Variants in PHC3 observed in about 807,000 individuals in gnomAD.
PHC3 encodes the protein polyhomeotic homolog 3, also known as polyhomeotic-like protein 3.
Under a neutral mutation model 107.4 loss-of-function variants are expected in PHC3, and 13 were observed. That is an observed-to-expected ratio of 0.12 (90% CI 0.08 to 0.19). The LOEUF is 0.19. PHC3 is among the 10% of genes least tolerant of loss of function. PHC3 has a pLI of 1.00. For synonymous variants in PHC3, 456 were observed against 427.4 expected (o/e 1.07, Z -0.83); for missense variants, 992 against 1,210.9 (o/e 0.82, Z 2.68).
rs1714052669 is a variant in PHC3 at position 170,091,169 on chromosome 3, G to A, written c.*6061C>T. 1.3e-5 allele frequency: 2 copies of A among 152,090 alleles called. No homozygotes were observed. The allele number at this position is 152,090 out of a possible 1,614,324, so 9.4% of individuals were successfully genotyped here. On this transcript the variant is annotated 3_prime_UTR_variant, in exon 15 of 15. Coordinates refer to ENST00000495893, the MANE Select transcript of PHC3 (RefSeq NM_024947.4). ...TATAACTTTTAAGCCAATAAGTGAT[G>A]GTGACTATCAATCCTTAAGATGATT...
chr3:170,118,347 G>A (rs538883106), intron 9 of PHC3, among the ~76,000 whole-genome samples: 1 of 152,286 alleles, frequency 6.6e-6, no homozygotes, highest in East Asian at 1.9e-4. Flanking sequence ...CCAGGCTCAG[G>A]TGATTCTCCC....
At chr3:170,163,108 T>A (rs1316191077) in intron 4 of PHC3, among the ~76,000 whole-genome samples, 1 of 152,226 alleles carries the variant, frequency 6.6e-6, no homozygotes, top group African/African-American at 2.4e-5. Context: ...GTTGTGGTAC[T>A]GTATCCTCAG....
At chr3:170,145,389 T>G in intron 6 of PHC3, 34 bp downstream of exon 6, 1 of 1,556,500 alleles carries the variant, frequency 6.4e-7, no homozygotes, top group Non-Finnish European at 8.8e-7. Flanking sequence ...GATCCAGATC[T>G]CAAGTAACAC....
intron 9 of PHC3, among the ~76,000 whole-genome samples, chr3:170,121,820 G>A (rs914466466): frequency 6.6e-6 from 1 of 150,700 alleles, no homozygotes; most frequent in African/African-American, 2.4e-5. Flanking sequence ...TTTTAAACTA[G>A]AAATAGTCTG....
intron 6 of PHC3, 143 bp from the exon 7 acceptor site, chr3:170,136,808 A>C (rs533767918): frequency 2.4e-6 from 2 of 843,908 alleles, no homozygotes; most frequent in Non-Finnish European, 3.5e-6. Flanking sequence ...AGAACTGATT[A>C]ATCCTTAAGG....
At position 170,097,313 on chromosome 3, in the gene PHC3, C is replaced by G; in HGVS notation, c.2905G>C (p.Asp969His). ...DGQALLLLKE[D>H]HLMSAMNIKL... ...ATATTCATTGCACTCATGAGATGGT[C>G]TTCTTTCAGCAAGAGAAGGGCCTGT... Residue 969 changes from aspartate to histidine, a missense_variant, in exon 15 of 15, where the codon GAC (aspartate) becomes CAC (histidine). Transcript: ENST00000495893. The surrounding 1 kb of genome is among the most constrained non-coding windows in gnomAD (Gnocchi z 4.1). The G allele has an allele frequency of 6.2e-7, 1 of 1,613,564 alleles. No homozygotes were observed. Among genetic ancestry groups the G allele is most frequent in the Non-Finnish European group, 8.5e-7 (1 of 1,179,616 alleles).
intron 5 of PHC3, 67 bp downstream of exon 5, chr3:170,149,019 A>C: frequency 6.8e-7 from 1 of 1,464,678 alleles, no homozygotes. Context: ...TTATTGTATC[A>C]AATCAAGAAA....
intron 5 of PHC3, chr3:170,147,432 G>C (rs975113785): frequency 6.6e-6 from 1 of 151,954 alleles, no homozygotes; most frequent in Non-Finnish European, 1.5e-5. Context: ...CAACAACAAA[G>C]TACAATGATG....
chr3:170,146,412 A>C (rs951471107), intron 5 of PHC3, among the ~76,000 whole-genome samples: 1 of 151,774 alleles, frequency 6.6e-6, no homozygotes, highest in African/African-American at 2.4e-5. Flanking sequence ...ATTCATTCTA[A>C]AAGTAAATGC....
At position 170,107,457 on chromosome 3, in the gene PHC3, C is replaced by T. The variant is rs188909453; in HGVS notation, c.2354-511G>A. 2.6e-4 allele frequency among the ~76,000 whole-genome samples: 40 copies of T among 152,138 alleles called. No individual in the cohort carries two copies. In the South Asian group the frequency reaches 5.0e-3, roughly 19 times the overall value. On this transcript the variant is annotated intron_variant, in intron 11 of 14. Transcript: ENST00000495893. The stretch of plus-strand genomic sequence containing the variant: ...GAGCATGCAAAATAATTAACTCTCT[C>T]GAAGATCTGCAGTATATGATAAAAT...
chr3:170,151,925 T>C (rs1458946156), intron 4 of PHC3, among the ~76,000 whole-genome samples: 2 of 152,204 alleles, frequency 1.3e-5, no homozygotes, highest in African/African-American at 4.8e-5. Context: ...GAAGTTTATA[T>C]AGGAGGACCT....
At position 170,088,254 on chromosome 3, in the gene PHC3, A is replaced by C. The variant is rs2108210410; in HGVS notation, c.*8976T>G. 6.6e-6 allele frequency: 1 copy of C among 152,346 alleles called. No individual in the cohort carries two copies. Among genetic ancestry groups the C allele is most frequent in the Admixed American group, 6.5e-5 (1 of 15,304 alleles). 9.4% of individuals were successfully genotyped at this position (152,346 alleles called of 1,614,324 possible). A position where few individuals can be genotyped will look rare whatever the true frequency, so the allele number is the denominator to read the frequency against. ...TTTAATAATATGAAAGTCCTATTTT[A>C]GAACAATGGGAGGAACCAAAAGGGG... On this transcript the variant is annotated 3_prime_UTR_variant, in exon 15 of 15. Transcript: ENST00000495893.
In PHC3 at chr3:170,181,339, G is replaced by A. The variant is rs572640082; in HGVS notation, c.14+363C>T. 2.6e-5 allele frequency among the ~76,000 whole-genome samples: 4 copies of A among 152,262 alleles called. No individual in the cohort carries two copies. The East Asian group carries it at 7.8e-4, about 30-fold the overall frequency. Reference sequence around the variant, plus strand: ...GCCTCCGCGGGCCCCTGCGCAGGCAGCCGTAACAAGGCTGCCCGCGGGGCC... The same window carrying A: ...GCCTCCGCGGGCCCCTGCGCAGGCAACCGTAACAAGGCTGCCCGCGGGGCC... On this transcript the variant is annotated intron_variant, in intron 1 of 14. Coordinates refer to ENST00000495893, the MANE Select transcript of PHC3 (RefSeq NM_024947.4).
intron 14 of PHC3, among the ~76,000 whole-genome samples, chr3:170,101,612 G>C (rs1465055192): frequency 6.6e-6 from 1 of 152,092 alleles, no homozygotes; most frequent in African/African-American, 2.4e-5. Context: ...TTTTCCATAT[G>C]CGTAAGGTCA....
At chr3:170,143,936 A>G (rs987831078) in intron 6 of PHC3, among the ~76,000 whole-genome samples, 3 of 152,158 alleles carry the variant, frequency 2.0e-5, no homozygotes, top group Admixed American at 2.0e-4. Flanking sequence ...ATCATAGAGT[A>G]TGTATCCCTT....
intron 11 of PHC3, 29 bp from the exon 12 acceptor site, chr3:170,106,975 A>G (rs748144502): frequency 1.3e-6 from 2 of 1,535,924 alleles, no homozygotes; most frequent in East Asian, 2.3e-5. Context: ...AAGGAAAAAA[A>G]GGTTCCAAAA....
chr3:170,121,954 T>C (rs1720431610), intron 9 of PHC3, among the ~76,000 whole-genome samples: 1 of 152,196 alleles, frequency 6.6e-6, no homozygotes, highest in Non-Finnish European at 1.5e-5. Flanking sequence ...GCTTCCCTGC[T>C]ATTAAAGAAT....
At chr3:170,174,688 A>G (rs988944827) in intron 2 of PHC3, among the ~76,000 whole-genome samples, 1 of 152,166 alleles carries the variant, frequency 6.6e-6, no homozygotes, top group Admixed American at 6.5e-5. Context: ...TCAAGACAGC[A>G]TATTTCTGTG....
intron 8 of PHC3, among the ~76,000 whole-genome samples, chr3:170,125,265 T>C (rs1459542760): frequency 2.0e-5 from 3 of 152,046 alleles, no homozygotes; most frequent in African/African-American, 7.2e-5. Flanking sequence ...TAATGCCCAA[T>C]ATAGGTAAAA....
Sources: allele counts gnomAD v4.1 joint callset (sites outside exome capture counted in the v4.1 genomes callset), GRCh38; gene constraint gnomAD v4.1.1; non-coding constraint Gnocchi (gnomAD v3.1); transcripts MANE v1.5; gene names NCBI Gene and HGNC (gene_info 2026-07-23, HGNC 2026-07-21).